The following PDE11A variants were observed in gnomAD, a reference collection of about 807,000 sequenced individuals.
PDE11A encodes dual 3',5'-cyclic-AMP and -GMP phosphodiesterase 11A.
PDE11A carries 100 observed loss-of-function variants against 100.5 expected under a neutral mutation model. The observed-to-expected ratio is 1.00, with a 90% confidence interval of 0.85 to 1.18. The LOEUF (loss-of-function observed/expected upper bound fraction) is 1.18. PDE11A is among the 50% of genes most tolerant of loss of function. The pLI is 0.00. For missense variants in PDE11A, 1,141 were observed against 1,152.6 expected (o/e 0.99, Z 0.15); for synonymous variants, 381 against 420.8 (o/e 0.91, Z 1.16).
intron 2 of PDE11A, among the ~76,000 whole-genome samples, chr2:177,988,507 C>T (rs560334250): frequency 5.8e-4 from 88 of 152,284 alleles, no homozygotes; most frequent in African/African-American, 2.0e-3. Context: ...GCTTCATAAG[C>T]GTGCAACCTG....
intron 10 of PDE11A, among the ~76,000 whole-genome samples, chr2:177,733,059 G>T (rs2081717576): frequency 1.3e-5 from 2 of 152,154 alleles, no homozygotes; most frequent in African/African-American, 4.8e-5. Flanking sequence ...GAGACACAGT[G>T]CTCCCCATTG....
chr2:177,947,599 G>C (rs1420273457), intron 2 of PDE11A, among the ~76,000 whole-genome samples: 1 of 151,656 alleles, frequency 6.6e-6, no homozygotes, highest in Non-Finnish European at 1.5e-5. Context: ...ACCAATCCCT[G>C]ATCTCAAGTA....
At chr2:177,901,758 G>A (rs1247669185) in intron 3 of PDE11A, among the ~76,000 whole-genome samples, 6 of 152,116 alleles carry the variant, frequency 3.9e-5, no homozygotes, top group Non-Finnish European at 8.8e-5. Flanking sequence ...TATTAATGGG[G>A]AAAACATTAT....
At chr2:177,706,534 T>G (rs928409237) in intron 13 of PDE11A, among the ~76,000 whole-genome samples, 3 of 152,202 alleles carry the variant, frequency 2.0e-5, no homozygotes, top group Non-Finnish European at 2.9e-5. Flanking sequence ...AATCTCATTC[T>G]AATCAATAAA....
intron 1 of PDE11A, among the ~76,000 whole-genome samples, chr2:178,047,898 G>C (rs2086772642): frequency 6.6e-6 from 1 of 152,154 alleles, no homozygotes; most frequent in Admixed American, 6.5e-5. Context: ...ATGAGTGCAG[G>C]GAAGCCCAGA....
At chr2:177,713,721 C>T (rs2081390281) in intron 12 of PDE11A, among the ~76,000 whole-genome samples, 1 of 146,448 alleles carries the variant, frequency 6.8e-6, no homozygotes, top group Admixed American at 6.6e-5. Context: ...AAGACTCCAT[C>T]TCAAACAAAC....
intron 6 of PDE11A, among the ~76,000 whole-genome samples, chr2:177,828,599 A>G (rs1001764476): frequency 6.8e-4 from 104 of 152,230 alleles, no homozygotes; most frequent in African/African-American, 2.4e-3. Flanking sequence ...ACATTTGGAC[A>G]ATGGTCTTAA....
At chr2:177,631,551 A>G (rs376241183) in intron 19 of PDE11A, among the ~76,000 whole-genome samples, 17,205 of 29,378 alleles carry the variant, frequency 0.59, 6,469 homozygotes, top group East Asian at 0.8. Context: ...ATATATACAC[A>G]TGTATATATA....
intron 2 of PDE11A, among the ~76,000 whole-genome samples, chr2:177,995,646 A>ACCCCCCCCCC (rs3067378): frequency 2.0e-5 from 3 of 147,704 alleles, no homozygotes; most frequent in African/African-American, 5.0e-5. Flanking sequence ...CACAAACACC[A>ACCCCCCCCCC]CCCACCCCGC....
At chr2:177,917,158 A>G (rs757345730) in intron 2 of PDE11A, among the ~76,000 whole-genome samples, 261 of 152,164 alleles carry the variant, frequency 1.7e-3, no homozygotes, top group Non-Finnish European at 3.2e-3. Flanking sequence ...CTTCCAAAGA[A>G]AGAGGGCTTC....
At chr2:178,006,330 T>C (rs1281126945) in intron 2 of PDE11A, among the ~76,000 whole-genome samples, 2 of 152,140 alleles carry the variant, frequency 1.3e-5, no homozygotes, top group African/African-American at 4.8e-5. Context: ...GCTTAAGCCT[T>C]GAAAGAAAGG....
At chr2:177,769,487 G>A in intron 9 of PDE11A, 114 bp from the exon 10 acceptor site, 2 of 677,422 alleles carry the variant, frequency 3.0e-6, no homozygotes, top group Admixed American at 2.3e-5. Flanking sequence ...TTTAAAGGTG[G>A]ACTTTAATGT....
At chr2:177,909,444 C>T (rs2084843306) in intron 2 of PDE11A, among the ~76,000 whole-genome samples, 2 of 152,116 alleles carry the variant, frequency 1.3e-5, no homozygotes, top group South Asian at 4.1e-4. Flanking sequence ...AATATGCAGC[C>T]CGTACACTAA....
At chr2:178,033,776 C>T (rs2086576507) in intron 1 of PDE11A, among the ~76,000 whole-genome samples, 2 of 152,098 alleles carry the variant, frequency 1.3e-5, no homozygotes, top group African/African-American at 4.8e-5. Flanking sequence ...AAGTTTTCAA[C>T]CCAGAATTTC....
intron 2 of PDE11A, among the ~76,000 whole-genome samples, chr2:177,914,386 C>A (rs12988331): frequency 0.12 from 18,804 of 152,042 alleles, 1,395 homozygotes; most frequent in African/African-American, 0.22. Context: ...ATTATGGCTC[C>A]ATAAACTTGG....
chr2:177,710,024 T>C (rs2081336958), intron 13 of PDE11A, among the ~76,000 whole-genome samples: 1 of 151,326 alleles, frequency 6.6e-6, no homozygotes, highest in South Asian at 2.1e-4. Context: ...GAGAGTGAAG[T>C]GGGGATTAGG....
At chr2:177,780,410 C>T (rs188903964) in intron 9 of PDE11A, among the ~76,000 whole-genome samples, 1 of 152,116 alleles carries the variant, frequency 6.6e-6, no homozygotes, top group Admixed American at 6.5e-5. Context: ...TCTTAAGGGC[C>T]CGAGGATTTT....
intron 12 of PDE11A, among the ~76,000 whole-genome samples, chr2:177,715,631 T>C (rs530384585): frequency 6.6e-6 from 1 of 152,258 alleles, no homozygotes; most frequent in South Asian, 2.1e-4. Context: ...CATAATAATA[T>C]GTTTAGTTTA....
chr2:178,031,536 AT>A (rs1284160413), intron 1 of PDE11A, among the ~76,000 whole-genome samples: 3 of 152,148 alleles, frequency 2.0e-5, no homozygotes, highest in African/African-American at 7.2e-5. Flanking sequence ...TAAAAATATA[AT>A]TTTTTAAATA....
Sources: gnomAD v4.1 joint callset for allele counts (sites outside exome capture counted in the v4.1 genomes callset) on GRCh38, gnomAD v4.1.1 for gene constraint, MANE v1.5 for transcripts, NCBI Gene and HGNC (gene_info 2026-07-23, HGNC 2026-07-21) for gene names.